The following GPR161 variants were observed in gnomAD, a reference collection of about 807,000 sequenced individuals.
The protein encoded by GPR161 is G-protein coupled receptor RE2.
GPR161 carries 25 observed loss-of-function variants against 39.2 expected under a neutral mutation model. That is an observed-to-expected ratio of 0.64 (90% confidence interval 0.47 to 0.89). The LOEUF (loss-of-function observed/expected upper bound fraction) is 0.89, where lower values mean the gene tolerates loss of function less well. Ranked by LOEUF, GPR161 falls within the 40% of genes least tolerant of loss-of-function variation. The pLI is 0.00. For synonymous variants in GPR161, 286 were observed against 276.6 expected (o/e 1.03, Z -0.34); for missense variants, 547 against 677.8 (o/e 0.81, Z 2.14).
chr1:168,125,060 T>C (rs1215430061), intron 1 of GPR161, among the ~76,000 whole-genome samples: 1 of 152,264 alleles, frequency 6.6e-6, no homozygotes, highest in East Asian at 1.9e-4. Flanking sequence ...ACATCAAATG[T>C]GTATTGCATA....
intron 4 of GPR161, 22 bp downstream of exon 4, chr1:168,090,542 G>A: frequency 2.2e-6 from 3 of 1,377,662 alleles, no homozygotes; most frequent in Non-Finnish European, 3.1e-6. Flanking sequence ...CAGGTGAGAG[G>A]CTTATAAAGC....
chr1:168,115,514 C>A lies in GPR161; in HGVS notation c.-44-10620G>T, dbSNP rs1025626144. 4.6e-5 allele frequency among the ~76,000 whole-genome samples: 7 copies of A among 152,122 alleles called. No homozygotes were observed. In the South Asian group the frequency reaches 1.2e-3, roughly 27 times the overall value. ...GGAAGCATTAAGAAGCTCTTCACCCCCAGAGTGTGCCCCTTTAGGATCAGA... is the reference window on the plus strand; with the variant it reads ...GGAAGCATTAAGAAGCTCTTCACCCACAGAGTGTGCCCCTTTAGGATCAGA... On this transcript the variant is annotated intron_variant, in intron 1 of 5. Coordinates refer to ENST00000682931, the MANE Select transcript of GPR161 (RefSeq NM_001375883.1).
intron 1 of GPR161, among the ~76,000 whole-genome samples, chr1:168,109,737 C>T (rs1018469379): frequency 2.6e-5 from 4 of 152,112 alleles, no homozygotes; most frequent in Non-Finnish European, 4.4e-5. Flanking sequence ...GAGGCCGAGG[C>T]GGATGGATCA....
chr1:168,095,411 G>A (rs946826790), intron 3 of GPR161, among the ~76,000 whole-genome samples: 1 of 152,210 alleles, frequency 6.6e-6, no homozygotes, highest in African/African-American at 2.4e-5. Flanking sequence ...AGCTGGGTGT[G>A]TGGGAATTCT....
At position 168,104,907 on chromosome 1, in the gene GPR161, G is replaced by C. The variant is rs6427119; in HGVS notation, c.-44-13C>G. The C allele has an allele frequency of 2.5e-6, 4 of 1,591,470 alleles. No homozygotes were observed. The East Asian group carries it at 9.0e-5, about 36-fold the overall frequency. On this transcript the variant is annotated splice_polypyrimidine_tract_variant and intron_variant, in intron 1 of 5. Transcript: ENST00000682931. ...GCATGCTGGACGACTGGAAAGATAA[G>C]GCAGGACCAGGGGACAGGAAAAGAT...
chr1:168,097,602 T>C (rs563322306), intron 2 of GPR161, among the ~76,000 whole-genome samples: 51 of 152,262 alleles, frequency 3.3e-4, no homozygotes, highest in African/African-American at 1.1e-3. Flanking sequence ...TTTACATCAA[T>C]TTTCAGAGGG....
intron 2 of GPR161, among the ~76,000 whole-genome samples, chr1:168,101,729 T>C (rs1236938980): frequency 2.6e-5 from 4 of 152,236 alleles, no homozygotes; most frequent in Non-Finnish European, 5.9e-5. Context: ...GTGCCTGGAA[T>C]ATGACAAGCG....
rs891367843 is a variant in GPR161, at chr1:168,104,704, C to T, written c.147G>A (p.Val49=). The T allele has an allele frequency of 3.7e-6, 6 of 1,613,744 alleles. No individual in the cohort carries two copies. Among genetic ancestry groups the T allele is most frequent in the Non-Finnish European group, 5.1e-6 (6 of 1,179,850 alleles). ...GGTAGGACTTCTTGTACAAGGTGAC[C>T]ACGATGACCAGGTTTCCCAGGCAGA... ...IFVCLGNLVI[V]VTLYKKSYLL... The change falls in exon 2 of 6, where the codon GTG becomes GTA. Residue 49 remains valine, a synonymous_variant. Transcript: ENST00000682931.
intron 1 of GPR161, among the ~76,000 whole-genome samples, chr1:168,128,114 A>T (rs1456287620): frequency 6.6e-6 from 1 of 152,176 alleles, no homozygotes; most frequent in Non-Finnish European, 1.5e-5. Flanking sequence ...TGTGGGGCTG[A>T]TATTCCATGC....
At chr1:168,116,102 A>C (rs1368907230) in intron 1 of GPR161, among the ~76,000 whole-genome samples, 1 of 152,156 alleles carries the variant, frequency 6.6e-6, no homozygotes, top group Non-Finnish European at 1.5e-5. Flanking sequence ...TTATCATAAA[A>C]GTCTCTTCTG....
intron 1 of GPR161, among the ~76,000 whole-genome samples, chr1:168,115,933 G>A (rs928529524): frequency 3.9e-5 from 6 of 151,948 alleles, no homozygotes; most frequent in East Asian, 1.9e-4. Flanking sequence ...CCGCCACCAC[G>A]CCCGGCTAAT....
intron 1 of GPR161, among the ~76,000 whole-genome samples, chr1:168,119,116 C>CA (rs1488473555): frequency 2.7e-5 from 4 of 150,036 alleles, no homozygotes; most frequent in Admixed American, 2.0e-4. Context: ...AGCAAGGTCT[C>CA]AAAGAGATAT....
chr1:168,132,735 T>C (rs115877938), intron 1 of GPR161, among the ~76,000 whole-genome samples: 3,328 of 152,206 alleles, frequency 0.022, 113 homozygotes, highest in African/African-American at 0.075. Flanking sequence ...TTTGTTTTTG[T>C]TGTTGTTGTT....
In GPR161 at chr1:168,105,862, C is replaced by T. The variant is rs138885728; in HGVS notation, c.-44-968G>A. Among the ~76,000 whole-genome samples, 981 of 152,366 alleles carry T rather than the reference C, an allele frequency of 6.4e-3. 6 individuals are homozygous for T. The highest frequency in any genetic ancestry group is 0.02 in the Middle Eastern group (6 of 294). ...TTTCCCCACCTGCTCTCATTCTCTG[C>T]ACACAGAAGACACCAAAAAGAAAGG... On this transcript the variant is annotated intron_variant, in intron 1 of 5. Coordinates refer to ENST00000682931, the MANE Select transcript of GPR161 (RefSeq NM_001375883.1).
In GPR161 at chr1:168,084,806, G is replaced by C. The variant is rs1248622500; in HGVS notation, c.*725C>G. Reference sequence around the variant, plus strand: ...TCTGGAAATGAAACACCTAGTACCTGCCCTTCCTCTTGTCTTTTATAGTGG... The same window carrying C: ...TCTGGAAATGAAACACCTAGTACCTCCCCTTCCTCTTGTCTTTTATAGTGG... On this transcript the variant is annotated 3_prime_UTR_variant, in exon 6 of 6. Transcript: ENST00000682931. 2 of 456,028 alleles carry C rather than the reference G, an allele frequency of 4.4e-6. No individual in the cohort carries two copies. The highest frequency in any genetic ancestry group is 3.1e-5 in the South Asian group (2 of 64,550). 28.2% of individuals were successfully genotyped at this position (456,028 alleles called of 1,614,324 possible).
At position 168,085,389 on chromosome 1, in the gene GPR161, G is replaced by T; in HGVS notation, c.*142C>A. On this transcript the variant is annotated 3_prime_UTR_variant, in exon 6 of 6. Transcript: ENST00000682931. ...ATTATTTTCAGTCCTTGTCCTGGTG[G>T]CTGCATACCAGATGCTGCTCCTTCC... is the stretch of plus-strand genomic sequence containing the variant. 1 of 713,576 alleles carries T rather than the reference G, an allele frequency of 1.4e-6. No homozygotes were observed. The allele number at this position is 713,576 out of a possible 1,614,324, so 44.2% of individuals were successfully genotyped here. A position where few individuals can be genotyped will look rare whatever the true frequency, so the allele number is the denominator to read the frequency against.
chr1:168,118,916 A>AAAAAG (rs1254937314), intron 1 of GPR161, among the ~76,000 whole-genome samples: 4 of 152,060 alleles, frequency 2.6e-5, no homozygotes, highest in East Asian at 3.9e-4. Context: ...GGCTACTATC[A>AAAAAG]AAAAGAAAAG....
chr1:168,108,486 TAAA>T (rs10670498), intron 1 of GPR161, among the ~76,000 whole-genome samples: 38 of 17,468 alleles, frequency 2.2e-3, no homozygotes, highest in Admixed American at 0.013. Context: ...GCCCTAGTTG[TAAA>T]AAAAAAAAAA....
intron 1 of GPR161, among the ~76,000 whole-genome samples, chr1:168,120,258 G>T (rs1185102216): frequency 1.3e-5 from 2 of 152,200 alleles, no homozygotes; most frequent in Non-Finnish European, 2.9e-5. Flanking sequence ...TAGAGTCAAA[G>T]GAGATTTTGG....
Sources: allele counts gnomAD v4.1 joint callset (sites outside exome capture counted in the v4.1 genomes callset), GRCh38; gene constraint gnomAD v4.1.1; transcripts MANE v1.5; gene names NCBI Gene and HGNC (gene_info 2026-07-23, HGNC 2026-07-21).